The following CDH18 variants were observed in gnomAD, a reference collection of about 807,000 sequenced individuals.
The protein encoded by CDH18 is cadherin-18.
Under a neutral mutation model 67.9 loss-of-function variants are expected in CDH18, and 31 were observed. The observed-to-expected ratio is 0.46, with a 90% CI of 0.34 to 0.62. The LOEUF (loss-of-function observed/expected upper bound fraction) is 0.62. Among genes scored for constraint, CDH18 ranks in the 20% least tolerant of loss-of-function variants. The pLI is 0.01. For missense variants in CDH18, 890 were observed against 975.5 expected (o/e 0.91, Z 1.17); for synonymous variants, 362 against 347.2 (o/e 1.04, Z -0.48).
intron 6 of CDH18, among the ~76,000 whole-genome samples, chr5:19,611,023 A>C (rs1309760849): frequency 2.0e-5 from 3 of 152,184 alleles, no homozygotes; most frequent in Non-Finnish European, 4.4e-5. Flanking sequence ...TCTTTTAATA[A>C]TGATGGTTTG....
chr5:20,271,037 A>G, intron 1 of CDH18, among the ~76,000 whole-genome samples: 1 of 152,072 alleles, frequency 6.6e-6, no homozygotes, highest in Non-Finnish European at 1.5e-5. Flanking sequence ...AATGGGTACT[A>G]GACTTAATAC....
chr5:20,521,501 T>C (rs1251513766), intron 1 of CDH18, among the ~76,000 whole-genome samples: 12 of 152,136 alleles, frequency 7.9e-5, no homozygotes, highest in Non-Finnish European at 1.5e-4. Context: ...TTTGATAAAG[T>C]GGTGTTTAAA....
intron 2 of CDH18, among the ~76,000 whole-genome samples, chr5:19,974,138 G>C (rs1029739186): frequency 6.6e-6 from 1 of 152,038 alleles, no homozygotes; most frequent in African/African-American, 2.4e-5. Context: ...GGAGGTATAA[G>C]GGTGACAAAG....
intron 7 of CDH18, among the ~76,000 whole-genome samples, chr5:19,578,800 C>CTT (rs200554349): frequency 1.3e-5 from 2 of 149,556 alleles, no homozygotes; most frequent in Non-Finnish European, 3.0e-5. Context: ...ATTTGTTTGC[C>CTT]TTTTTTTTTC....
At position 19,608,187 on chromosome 5, in the gene CDH18, C is replaced by A. The variant is rs374996023; in HGVS notation, c.811+4247G>T. Among the ~76,000 whole-genome samples, 16 of 151,532 alleles carry A rather than the reference C, an allele frequency of 1.1e-4. No homozygotes were observed. The East Asian group carries it at 2.5e-3, about 24-fold the overall frequency. Reference sequence around the variant, plus strand: ...ATGTAGAATACTAAACATGCAGCTGCAGAATTTATCTTATTTCAAAGTGAG... The same window carrying A: ...ATGTAGAATACTAAACATGCAGCTGAAGAATTTATCTTATTTCAAAGTGAG... On this transcript the variant is annotated intron_variant, in intron 6 of 12. Transcript: ENST00000382275.
At chr5:19,898,581 G>A (rs1178501434) in intron 2 of CDH18, among the ~76,000 whole-genome samples, 2 of 151,714 alleles carry the variant, frequency 1.3e-5, no homozygotes, top group Non-Finnish European at 2.9e-5. Context: ...GGAATAATAT[G>A]GAGTGAGTAA....
intron 12 of CDH18, among the ~76,000 whole-genome samples, chr5:19,474,361 G>T (rs1738083767): frequency 6.6e-6 from 1 of 152,012 alleles, no homozygotes; most frequent in Admixed American, 6.6e-5. Flanking sequence ...GGAATTTTTT[G>T]ATTTATGAAT....
At chr5:19,715,097 A>T (rs1765180764) in intron 5 of CDH18, among the ~76,000 whole-genome samples, 1 of 152,134 alleles carries the variant, frequency 6.6e-6, no homozygotes. Flanking sequence ...TACAAAATGA[A>T]ATTTAAAATC....
rs376155635 is a variant in CDH18 at position 19,865,033 on chromosome 5, A to G, written c.-256-25791T>C. 1.2e-3 allele frequency among the ~76,000 whole-genome samples: 183 copies of G among 152,290 alleles called. 6 individuals are homozygous for G. In the South Asian group the frequency reaches 0.034, roughly 28 times the overall value. On this transcript the variant is annotated intron_variant, in intron 2 of 12. Coordinates refer to ENST00000382275, the MANE Select transcript of CDH18 (RefSeq NM_004934.5). The stretch of plus-strand genomic sequence containing the variant: ...TCAATGGGTGAAACCTCTGCTGCCC[A>G]CAATGACCAGATGCACAGACACCTT...
At chr5:19,848,797 CAT>C (rs1370684216) in intron 2 of CDH18, among the ~76,000 whole-genome samples, 1 of 150,398 alleles carries the variant, frequency 6.6e-6, no homozygotes, top group African/African-American at 2.4e-5. Flanking sequence ...AAATGCTATA[CAT>C]ATATATCATA....
At chr5:20,124,142 C>A (rs1428566824) in intron 2 of CDH18, among the ~76,000 whole-genome samples, 1 of 152,020 alleles carries the variant, frequency 6.6e-6, no homozygotes, top group Non-Finnish European at 1.5e-5. Flanking sequence ...AAGTGAGGAG[C>A]ACATTTTTGA....
chr5:20,167,937 A>T (rs1396892083), intron 2 of CDH18, among the ~76,000 whole-genome samples: 1 of 152,204 alleles, frequency 6.6e-6, no homozygotes, highest in Non-Finnish European at 1.5e-5. Context: ...CGTGGACAAG[A>T]AAGTAACTTT....
intron 3 of CDH18, among the ~76,000 whole-genome samples, chr5:19,793,657 TAGA>T (rs1776582533): frequency 6.6e-6 from 1 of 152,038 alleles, no homozygotes; most frequent in Admixed American, 6.6e-5. Context: ...GAGTGAAACT[TAGA>T]AGGACAGAGA....
chr5:19,867,433 T>C (rs1265086573), intron 2 of CDH18, among the ~76,000 whole-genome samples: 1 of 152,178 alleles, frequency 6.6e-6, no homozygotes, highest in Non-Finnish European at 1.5e-5. Flanking sequence ...TATATTTACA[T>C]CAATATCTAT....
intron 1 of CDH18, among the ~76,000 whole-genome samples, chr5:20,300,728 C>T (rs748208024): frequency 8.5e-5 from 13 of 152,126 alleles, no homozygotes; most frequent in Non-Finnish European, 1.9e-4. Flanking sequence ...TGAACTGCTC[C>T]TTGCTAAATT....
intron 11 of CDH18, among the ~76,000 whole-genome samples, chr5:19,495,421 A>T (rs1431883884): frequency 6.6e-6 from 1 of 152,088 alleles, no homozygotes; most frequent in East Asian, 1.9e-4. Flanking sequence ...TCTCCCACTA[A>T]AAACAAAGAG....
intron 1 of CDH18, among the ~76,000 whole-genome samples, chr5:20,279,725 A>AAAAAAAAAAAAAAAAAAAAAAAAAAC (rs59764100): frequency 1.6e-5 from 2 of 128,788 alleles, no homozygotes; most frequent in African/African-American, 3.4e-5. Flanking sequence ...AAAAAAAAAA[A>AAAAAAAAAAAAAAAAAAAAAAAAAAC]AAAGCAAAAA....
At chr5:19,542,709 C>T (rs935324868) in intron 9 of CDH18, among the ~76,000 whole-genome samples, 5 of 151,830 alleles carry the variant, frequency 3.3e-5, no homozygotes, top group African/African-American at 1.2e-4. Flanking sequence ...CAATAGCAGG[C>T]AAATTTATAG....
intron 5 of CDH18, among the ~76,000 whole-genome samples, chr5:19,694,141 C>A (rs1473051512): frequency 6.6e-6 from 1 of 152,072 alleles, no homozygotes; most frequent in Non-Finnish European, 1.5e-5. Context: ...CCAAAAACAT[C>A]AATAGGTCTA....
Sources: gnomAD v4.1 joint callset for allele counts (sites outside exome capture counted in the v4.1 genomes callset) on GRCh38, gnomAD v4.1.1 for gene constraint, MANE v1.5 for transcripts, NCBI Gene and HGNC (gene_info 2026-07-23, HGNC 2026-07-21) for gene names.